The following RANBP2 variants were observed in gnomAD, a reference collection of about 807,000 sequenced individuals.
The protein encoded by RANBP2 is E3 SUMO-protein ligase RanBP2.
In RANBP2, 57 loss-of-function variants were observed where a neutral mutation model predicts 303.6. The observed-to-expected ratio is 0.19, with a 90% confidence interval of 0.15 to 0.23. The LOEUF is 0.23. Ranked by LOEUF, RANBP2 falls within the 10% of genes least tolerant of loss-of-function variation. RANBP2 has a pLI of 1.00. For missense variants in RANBP2, 3,138 were observed against 3,780.8 expected (o/e 0.83, Z 4.46); for synonymous variants, 1,167 against 1,301.5 (o/e 0.90, Z 2.23).
the RANBP2 span, among the ~76,000 whole-genome samples, chr2:109,126,848 C>T: frequency 1.8e-4 from 27 of 152,210 alleles, no homozygotes; most frequent in African/African-American, 4.3e-4. Context: ...CAGGGCATGT[C>T]GTCACAGGCC....
chr2:109,488,926 G>A, the RANBP2 span, among the ~76,000 whole-genome samples: 1 of 152,190 alleles, frequency 6.6e-6, no homozygotes, highest in African/African-American at 2.4e-5. Context: ...CTGGATCCCC[G>A]TGCTGCATGG....
chr2:109,765,396 A>G, the RANBP2 span, among the ~76,000 whole-genome samples: 3 of 150,298 alleles, frequency 2.0e-5, no homozygotes. Context: ...CTTTTTTTTA[A>G]AATTTCCCAT....
chr2:109,442,247 C>T, the RANBP2 span, among the ~76,000 whole-genome samples: 1 of 149,694 alleles, frequency 6.7e-6, no homozygotes, highest in Non-Finnish European at 1.5e-5. Context: ...GGAGGCAGAG[C>T]TTACAGTGAG....
At chr2:109,004,084 AAGAATGTTG>A in the RANBP2 span, among the ~76,000 whole-genome samples, 1 of 152,250 alleles carries the variant, frequency 6.6e-6, no homozygotes, top group East Asian at 1.9e-4. Flanking sequence ...GTATTCTGAA[AAGAATGTTG>A]ACATGTGCAT....
the RANBP2 span, among the ~76,000 whole-genome samples, chr2:109,390,611 T>C: frequency 6.6e-6 from 1 of 151,988 alleles, no homozygotes; most frequent in African/African-American, 2.4e-5. Context: ...GGAAGAAGGG[T>C]GACATAACTA....
the RANBP2 span, among the ~76,000 whole-genome samples, chr2:108,881,193 G>A: frequency 6.6e-6 from 1 of 152,174 alleles, no homozygotes; most frequent in Non-Finnish European, 1.5e-5. Context: ...TCAGTCTTGT[G>A]GAGAACTTGC....
At chr2:108,826,614 G>C in the RANBP2 span, among the ~76,000 whole-genome samples, 1 of 152,064 alleles carries the variant, frequency 6.6e-6, no homozygotes, top group Non-Finnish European at 1.5e-5. Flanking sequence ...TGTTCTATTT[G>C]TCTATCCTTA....
At chr2:109,092,163 G>A in the RANBP2 span, among the ~76,000 whole-genome samples, 3 of 152,186 alleles carry the variant, frequency 2.0e-5, no homozygotes, top group African/African-American at 7.2e-5. Flanking sequence ...AACTGCTGAT[G>A]GAAATCTAGC....
chr2:109,066,281 G>A, the RANBP2 span, among the ~76,000 whole-genome samples: 1 of 152,080 alleles, frequency 6.6e-6, no homozygotes, highest in Non-Finnish European at 1.5e-5. Context: ...GCTAATTTTT[G>A]TATTTTTAGT....
At chr2:109,564,289 C>T in the RANBP2 span, 10 of 1,270,456 alleles carry the variant, frequency 7.9e-6, no homozygotes, top group East Asian at 2.6e-4. Context: ...ACACATGCCC[C>T]ATCATCCTGG....
the RANBP2 span, among the ~76,000 whole-genome samples, chr2:109,030,096 T>C: frequency 1.3e-5 from 2 of 152,204 alleles, no homozygotes. Context: ...ACTCTAACTT[T>C]TGTTTGCTAC....
At chr2:109,427,263 CT>C in the RANBP2 span, among the ~76,000 whole-genome samples, 1 of 152,080 alleles carries the variant, frequency 6.6e-6, no homozygotes, top group Non-Finnish European at 1.5e-5. Flanking sequence ...GTCACCGTGC[CT>C]GGACAAAGAA....
the RANBP2 span, among the ~76,000 whole-genome samples, chr2:108,970,854 A>T: frequency 1.3e-5 from 2 of 152,220 alleles, 1 homozygote; most frequent in Non-Finnish European, 2.9e-5. Flanking sequence ...ACAAATGTTT[A>T]ACCTGGGGAA....
the RANBP2 span, among the ~76,000 whole-genome samples, chr2:108,971,866 C>A: frequency 2.0e-5 from 3 of 152,190 alleles, no homozygotes; most frequent in Non-Finnish European, 2.9e-5. Flanking sequence ...GCAGAAGAGA[C>A]GGTGCAATTA....
the RANBP2 span, among the ~76,000 whole-genome samples, chr2:109,219,114 G>A: frequency 6.6e-6 from 1 of 152,286 alleles, no homozygotes; most frequent in African/African-American, 2.4e-5. Flanking sequence ...CACATGACTG[G>A]CTTTGTGGAG....
chr2:109,735,328 A>C, the RANBP2 span, among the ~76,000 whole-genome samples: 1 of 152,148 alleles, frequency 6.6e-6, no homozygotes, highest in Admixed American at 6.6e-5. Flanking sequence ...CGTTGTTGTA[A>C]ATGAGAGAAT....
chr2:109,261,113 C>T, the RANBP2 span, among the ~76,000 whole-genome samples: 1 of 152,162 alleles, frequency 6.6e-6, no homozygotes, highest in Admixed American at 6.5e-5. Flanking sequence ...CCAATGGGGG[C>T]CCAACAGCCA....
the RANBP2 span, among the ~76,000 whole-genome samples, chr2:109,437,634 C>T: frequency 1.3e-5 from 2 of 152,230 alleles, no homozygotes; most frequent in East Asian, 1.9e-4. Flanking sequence ...GGGTGAGACT[C>T]GGGCCCAGGC....
chr2:108,805,451 C>T, the RANBP2 span, among the ~76,000 whole-genome samples: 6 of 152,170 alleles, frequency 3.9e-5, no homozygotes, highest in Admixed American at 1.3e-4. Flanking sequence ...GCAGGCCAGG[C>T]GCGGTGGCTC....
Sources: gnomAD v4.1 joint callset for allele counts (sites outside exome capture counted in the v4.1 genomes callset) on GRCh38, gnomAD v4.1.1 for gene constraint, MANE v1.5 for transcripts, NCBI Gene and HGNC (gene_info 2026-07-23, HGNC 2026-07-21) for gene names.